The following SI variants were observed in gnomAD, a reference collection of about 807,000 sequenced individuals.
SI encodes sucrase-isomaltase.
A neutral mutation model predicts 253.3 loss-of-function variants in SI; 235 were observed. The ratio of observed to expected loss-of-function variants is 0.93; its 90% CI spans 0.83 to 1.03. SI has a LOEUF of 1.03. Among genes scored for constraint, SI ranks in the 50% least tolerant of loss-of-function variants. The probability of loss-of-function intolerance (pLI) is 0.00; values close to 1 mark genes in which losing one functional copy is unlikely to be tolerated. For missense variants in SI, 2,442 were observed against 2,211.1 expected, an observed-to-expected ratio of 1.10 and a Z score of -2.09; for synonymous variants, 819 against 712.0, an observed-to-expected ratio of 1.15 and a Z score of -2.39.
intron 19 of SI, among the ~76,000 whole-genome samples, chr3:165,039,664 C>T (rs1339684796): frequency 2.0e-5 from 3 of 151,590 alleles, no homozygotes; most frequent in Non-Finnish European, 4.4e-5. Flanking sequence ...TAACTTCATA[C>T]AATTTTCTTG....
intron 6 of SI, among the ~76,000 whole-genome samples, chr3:165,065,955 T>C (rs1714226598): frequency 6.6e-6 from 1 of 151,972 alleles, no homozygotes; most frequent in Non-Finnish European, 1.5e-5. Flanking sequence ...ATGATTTGTA[T>C]GCTTTTATTT....
intron 3 of SI, among the ~76,000 whole-genome samples, chr3:165,071,542 A>C (rs1560019117): frequency 6.6e-6 from 1 of 151,792 alleles, no homozygotes; most frequent in Non-Finnish European, 1.5e-5. Flanking sequence ...ATGTGTATTC[A>C]ATATGTAGAT....
intron 12 of SI, 58 bp downstream of exon 12, chr3:165,058,905 T>G: frequency 7.5e-7 from 1 of 1,326,620 alleles, no homozygotes; most frequent in Non-Finnish European, 1.1e-6. Flanking sequence ...CACAGAAACT[T>G]TATTATTTCA....
chr3:165,060,070 T>C, intron 9 of SI, 43 bp from the exon 10 acceptor site: 1 of 1,565,090 alleles, frequency 6.4e-7, no homozygotes, highest in African/African-American at 1.4e-5. Flanking sequence ...TAGAAATAAA[T>C]ATATTTAGCA....
Position 165,039,062 on chromosome 3 carries a change from T to C in SI, c.2301+16A>G. ...TATAATACTTGTGAGTCCATTAGTATGTTAAGGTTACTTACAGATTCATAA... is the reference window on the plus strand; with the variant it reads ...TATAATACTTGTGAGTCCATTAGTACGTTAAGGTTACTTACAGATTCATAA... On this transcript the variant is annotated intron_variant, in intron 20 of 47. Coordinates refer to ENST00000264382, the MANE Select transcript of SI (RefSeq NM_001041.4). 1 of 1,529,562 alleles carries C rather than the reference T, an allele frequency of 6.5e-7. No homozygotes were observed. Among genetic ancestry groups the C allele is most frequent in the Non-Finnish European group, 9.0e-7 (1 of 1,105,576 alleles). The allele number at this position is 1,529,562 out of a possible 1,614,324, so 94.7% of individuals were successfully genotyped here. A position where few individuals can be genotyped will look rare whatever the true frequency, so the allele number is the denominator to read the frequency against.
intron 3 of SI, among the ~76,000 whole-genome samples, chr3:165,071,610 T>C (rs1225637430): frequency 6.6e-6 from 1 of 151,988 alleles, no homozygotes; most frequent in African/African-American, 2.4e-5. Context: ...TAACCCCCAA[T>C]GTGAAGGTAT....
chr3:165,008,801 A>G (rs576905539), intron 35 of SI, among the ~76,000 whole-genome samples: 1 of 151,948 alleles, frequency 6.6e-6, no homozygotes, highest in Non-Finnish European at 1.5e-5. Context: ...TTCTGTATTA[A>G]GCATTTACTT....
At chr3:165,041,146 A>G in intron 17 of SI, 52 bp from the exon 18 acceptor site, 2 of 1,533,598 alleles carry the variant, frequency 1.3e-6, no homozygotes, top group Non-Finnish European at 1.8e-6. Flanking sequence ...ATGAGTGAAA[A>G]TTAAAGTAGA....
intron 37 of SI, among the ~76,000 whole-genome samples, chr3:165,002,679 TG>T (rs1314423291): frequency 6.6e-6 from 1 of 151,774 alleles, no homozygotes; most frequent in Non-Finnish European, 1.5e-5. Flanking sequence ...TTATTTATAG[TG>T]TTTTTTTACA....
At chr3:165,007,800 C>CTA (rs1172517532) in intron 36 of SI, 111 bp downstream of exon 36, 6 of 329,222 alleles carry the variant, frequency 1.8e-5, no homozygotes, top group East Asian at 6.7e-5. Flanking sequence ...CATATATATT[C>CTA]TATATATATA....
intron 9 of SI, 147 bp downstream of exon 9, chr3:165,062,224 C>T: frequency 1.7e-6 from 1 of 603,596 alleles, no homozygotes; most frequent in Non-Finnish European, 3.0e-6. Flanking sequence ...AAAAAACACC[C>T]AGCTGCATCT....
intron 34 of SI, among the ~76,000 whole-genome samples, chr3:165,010,514 T>C (rs1718720316): frequency 1.3e-5 from 2 of 152,268 alleles, no homozygotes; most frequent in South Asian, 2.1e-4. Flanking sequence ...ATCTTACCTA[T>C]TAATTACATT....
chr3:165,006,730 A>T (rs1360196694), intron 37 of SI, 86 bp downstream of exon 37: 1 of 1,169,058 alleles, frequency 8.6e-7, no homozygotes, highest in Non-Finnish European at 1.3e-6. Flanking sequence ...ACAAGAGAAG[A>T]TTGTCGGGAC....
At chr3:165,075,575 C>T (rs1183811773) in intron 2 of SI, among the ~76,000 whole-genome samples, 1 of 151,908 alleles carries the variant, frequency 6.6e-6, no homozygotes, top group African/African-American at 2.4e-5. Flanking sequence ...GGTTTTCCCA[C>T]TAATGAGATG....
intron 27 of SI, among the ~76,000 whole-genome samples, chr3:165,020,563 A>C (rs1164023044): frequency 1.3e-5 from 2 of 151,722 alleles, no homozygotes; most frequent in African/African-American, 4.8e-5. Flanking sequence ...TTGTCATAAC[A>C]ACAAAATTAT....
intron 15 of SI, among the ~76,000 whole-genome samples, chr3:165,048,428 G>A (rs1484916464): frequency 1.3e-5 from 2 of 150,964 alleles, no homozygotes; most frequent in Non-Finnish European, 1.5e-5. Context: ...TGTTCTTGGG[G>A]CAATATTTTC....
At chr3:165,082,650 T>A (rs6778229), upstream of SI, among the ~76,000 whole-genome samples, 1 of 151,714 alleles carries the variant, frequency 6.6e-6, no homozygotes, top group Non-Finnish European at 1.5e-5. Flanking sequence ...CTTCAATTGG[T>A]CATGTGAGAC....
At chr3:165,081,485 G>T (rs921728565), upstream of SI, among the ~76,000 whole-genome samples, 1 of 151,942 alleles carries the variant, frequency 6.6e-6, no homozygotes, top group Non-Finnish European at 1.5e-5. Context: ...AATCATGGAC[G>T]TCTACAGTAG....
intron 27 of SI, among the ~76,000 whole-genome samples, chr3:165,020,597 A>G (rs1396694267): frequency 2.0e-5 from 3 of 151,694 alleles, no homozygotes. Context: ...ATATAGTTTT[A>G]GATATTATTT....
Sources: allele counts gnomAD v4.1 joint callset (sites outside exome capture counted in the v4.1 genomes callset), GRCh38; gene constraint gnomAD v4.1.1; transcripts MANE v1.5; gene names NCBI Gene and HGNC (gene_info 2026-07-23, HGNC 2026-07-21).